Variants in TNIK observed in about 807,000 individuals in gnomAD.
TNIK encodes the protein TRAF2 and NCK-interacting protein kinase.
A neutral mutation model predicts 191.3 loss-of-function variants in TNIK; 49 were observed. That is an observed-to-expected ratio of 0.26 (90% CI 0.20 to 0.32). The LOEUF (loss-of-function observed/expected upper bound fraction) is 0.32. Ranked by LOEUF, TNIK falls within the 10% of genes least tolerant of loss-of-function variation. TNIK has a pLI of 1.00. For synonymous variants in TNIK, 594 were observed against 600.9 expected, an observed-to-expected ratio of 0.99 and a Z score of 0.17; for missense variants, 1,155 against 1,702.3, an observed-to-expected ratio of 0.68 and a Z score of 5.66.
chr3:171,081,337 C>A (rs16855786), intron 27 of TNIK, among the ~76,000 whole-genome samples: 5,979 of 151,924 alleles, frequency 0.039, 282 homozygotes, highest in African/African-American at 0.1. Flanking sequence ...GAGGAAAGTT[C>A]AAACCAGCAT....
rs1408893097 is a variant in TNIK at position 171,211,248 on chromosome 3, G to A, written c.181-7C>T. ...TGATTTCTTCCTCTTCATCCTGTAT[G>A]AGAACAATATAAAAATTCTGTCATG... On this transcript the variant is annotated splice_polypyrimidine_tract_variant and splice_region_variant and intron_variant, in intron 3 of 32. Transcript: ENST00000436636. 2 of 1,594,320 alleles carry A rather than the reference G, an allele frequency of 1.3e-6. No homozygotes were observed. The highest frequency in any genetic ancestry group is 1.7e-5 in the Admixed American group (1 of 57,640).
chr3:171,299,953 A>G (rs1453240878), intron 2 of TNIK, among the ~76,000 whole-genome samples: 1 of 152,230 alleles, frequency 6.6e-6, no homozygotes, highest in Non-Finnish European at 1.5e-5. Context: ...GATGAATGAT[A>G]TCTTTCAAAT....
At chr3:171,390,339 A>G (rs1373826764) in intron 1 of TNIK, among the ~76,000 whole-genome samples, 1 of 152,216 alleles carries the variant, frequency 6.6e-6, no homozygotes, top group African/African-American at 2.4e-5. Flanking sequence ...ACCGTGTTTG[A>G]ATGCAGCACA....
chr3:171,255,531 A>G (rs1413646321), intron 2 of TNIK, among the ~76,000 whole-genome samples: 1 of 152,206 alleles, frequency 6.6e-6, no homozygotes, highest in African/African-American at 2.4e-5. Context: ...AGCATCTTGC[A>G]GAGGCAAATT....
At chr3:171,426,569 A>G (rs1379293327) in intron 1 of TNIK, among the ~76,000 whole-genome samples, 2 of 152,226 alleles carry the variant, frequency 1.3e-5, no homozygotes, top group African/African-American at 4.8e-5. Flanking sequence ...ATATATATAT[A>G]AAATCATCTT....
At chr3:171,135,668 T>C (rs768441715) in intron 15 of TNIK, among the ~76,000 whole-genome samples, 1 of 152,186 alleles carries the variant, frequency 6.6e-6, no homozygotes, top group Non-Finnish European at 1.5e-5. Flanking sequence ...GCACACCAGA[T>C]GCCAGGAAGC....
intron 9 of TNIK, among the ~76,000 whole-genome samples, chr3:171,173,480 G>A (rs191368920): frequency 1.1e-4 from 16 of 152,228 alleles, no homozygotes; most frequent in Admixed American, 3.3e-4. Context: ...TTGGGGGGAG[G>A]TGGCAGCTGG....
At chr3:171,375,117 C>T (rs775894813) in intron 1 of TNIK, among the ~76,000 whole-genome samples, 2 of 152,174 alleles carry the variant, frequency 1.3e-5, no homozygotes, top group Non-Finnish European at 2.9e-5. Flanking sequence ...ACCTCAGTTT[C>T]CTCATCTTTA....
chr3:171,346,664 G>T (rs1008033903), intron 2 of TNIK, among the ~76,000 whole-genome samples: 10 of 152,120 alleles, frequency 6.6e-5, no homozygotes, highest in African/African-American at 2.4e-4. Context: ...GGATCTTCTG[G>T]AGGATGAAGA....
chr3:171,067,309 G>A (rs572815966), intron 30 of TNIK, among the ~76,000 whole-genome samples: 4 of 152,088 alleles, frequency 2.6e-5, no homozygotes, highest in Admixed American at 6.5e-5. Context: ...TTGTTTATCC[G>A]GGTGTCTAAA....
chr3:171,216,438 C>A lies in TNIK; in HGVS notation c.181-5197G>T, dbSNP rs138307174. Among the ~76,000 whole-genome samples the A allele has an allele frequency of 2.5e-3, 378 of 152,200 alleles. 1 individual carries two copies. The highest frequency in any genetic ancestry group is 8.4e-3 in the African/African-American group (347 of 41,546). ...TAATATCTTATTAATTTTCATTTTTCTTTCAGTTCTATAGGATGGAGAAAA... is the reference window on the plus strand; with the variant it reads ...TAATATCTTATTAATTTTCATTTTTATTTCAGTTCTATAGGATGGAGAAAA... On this transcript the variant is annotated intron_variant, in intron 3 of 32. Transcript: ENST00000436636.
chr3:171,245,182 A>G (rs1474463706), intron 2 of TNIK, among the ~76,000 whole-genome samples: 2 of 152,218 alleles, frequency 1.3e-5, no homozygotes, highest in Admixed American at 6.5e-5. Context: ...CTTGGGCTCT[A>G]TAAAACAAAG....
chr3:171,369,583 AC>A, intron 2 of TNIK, 36 bp downstream of exon 2: 2 of 1,532,318 alleles, frequency 1.3e-6, no homozygotes, highest in South Asian at 2.4e-5. Context: ...ATGAACTGAA[AC>A]CGTACATAAG....
At chr3:171,413,932 C>T (rs186358379) in intron 1 of TNIK, among the ~76,000 whole-genome samples, 1 of 152,252 alleles carries the variant, frequency 6.6e-6, no homozygotes, top group Non-Finnish European at 1.5e-5. Flanking sequence ...GGATTCATGC[C>T]TGGTAATATA....
rs1351239579 is a variant in TNIK, at chr3:171,212,749, A to G, written c.181-1508T>C. 2.6e-5 allele frequency among the ~76,000 whole-genome samples: 4 copies of G among 152,216 alleles called. No individual in the cohort carries two copies. The South Asian group carries it at 6.2e-4, about 24-fold the overall frequency. On this transcript the variant is annotated intron_variant, in intron 3 of 32. Transcript: ENST00000436636. ...CCTGTGAATAAATGCAACTAAAAGA[A>G]CAAATAACTACAAAGAGCCCAATGC...
intron 7 of TNIK, 96 bp downstream of exon 7, chr3:171,188,606 G>T: frequency 6.9e-7 from 1 of 1,447,758 alleles, no homozygotes; most frequent in Non-Finnish European, 9.3e-7. Flanking sequence ...TCTCCCTTTG[G>T]GTGACATAAA....
intron 3 of TNIK, among the ~76,000 whole-genome samples, chr3:171,224,820 A>G (rs1742777710): frequency 6.6e-6 from 1 of 152,146 alleles, no homozygotes; most frequent in Admixed American, 6.5e-5. Flanking sequence ...AATTTCCATA[A>G]TGATTTCAAA....
At chr3:171,225,203 T>G (rs1460233396) in intron 3 of TNIK, among the ~76,000 whole-genome samples, 4 of 152,132 alleles carry the variant, frequency 2.6e-5, no homozygotes, top group Non-Finnish European at 5.9e-5. Context: ...ATAGACAACA[T>G]GGCAAAATAG....
At position 171,333,472 on chromosome 3, in the gene TNIK, G is replaced by A. The variant is rs977059927; in HGVS notation, c.123+36148C>T. Among the ~76,000 whole-genome samples, 6 of 151,464 alleles carry A rather than the reference G, an allele frequency of 4.0e-5. No individual in the cohort carries two copies. The South Asian group carries it at 6.3e-4, about 16-fold the overall frequency. On this transcript the variant is annotated intron_variant, in intron 2 of 32. Transcript: ENST00000436636. ...CTCAGGAGGCTGAGGCAGAAGAATC[G>A]CTTGAACCTGGGAGGCAGAGGTTGC... is the stretch of plus-strand genomic sequence containing the variant.
Sources: allele counts gnomAD v4.1 joint callset (sites outside exome capture counted in the v4.1 genomes callset), GRCh38; gene constraint gnomAD v4.1.1; transcripts MANE v1.5; gene names NCBI Gene and HGNC (gene_info 2026-07-23, HGNC 2026-07-21).